The following TEX36 variants were observed in gnomAD, a reference collection of about 807,000 sequenced individuals.
TEX36 encodes the protein testis-expressed protein 36.
In TEX36, 12 loss-of-function variants were observed where a neutral mutation model predicts 13.6. The observed-to-expected ratio is 0.88, with a 90% CI of 0.56 to 1.43. The LOEUF is 1.43. Ranked by LOEUF, TEX36 falls within the 40% of genes most tolerant of loss-of-function variation. The pLI is 0.00. For synonymous variants in TEX36, 93 were observed against 83.0 expected (o/e 1.12, Z -0.65); for missense variants, 224 against 228.3 (o/e 0.98, Z 0.12).
chr10:125,621,045 T>G (rs936022611), downstream of TEX36, among the ~76,000 whole-genome samples: 10 of 152,338 alleles, frequency 6.6e-5, no homozygotes, highest in Middle Eastern at 3.4e-3. Context: ...GGACACTTAT[T>G]TCTATGTTTT....
At chr10:125,615,434 CTTA>C (rs1217815301) in intron 3 of TEX36, among the ~76,000 whole-genome samples, 1 of 151,840 alleles carries the variant, frequency 6.6e-6, no homozygotes, top group African/African-American at 2.4e-5. Context: ...ATAGATAGCT[CTTA>C]TTATTTTGAG....
chr10:125,582,842 A>G (rs540912048), intron 3 of TEX36, among the ~76,000 whole-genome samples: 4 of 152,220 alleles, frequency 2.6e-5, no homozygotes, highest in Admixed American at 6.5e-5. Context: ...ATATATAGCC[A>G]AATGGACTAA....
At chr10:125,665,890 T>C (rs1451995202) in intron 1 of TEX36, among the ~76,000 whole-genome samples, 1 of 152,174 alleles carries the variant, frequency 6.6e-6, no homozygotes, top group Admixed American at 6.5e-5. Flanking sequence ...CAATGTTTTA[T>C]AGTTTTTCTT....
chr10:125,634,710 A>G (rs1292836452), intron 3 of TEX36, among the ~76,000 whole-genome samples: 10 of 152,238 alleles, frequency 6.6e-5, no homozygotes, highest in Non-Finnish European at 1.5e-4. Flanking sequence ...GTTAAAAATC[A>G]GAAGGTTAAA....
intron 1 of TEX36, among the ~76,000 whole-genome samples, chr10:125,664,874 A>G (rs1847099529): frequency 6.6e-6 from 1 of 152,142 alleles, no homozygotes; most frequent in Non-Finnish European, 1.5e-5. Context: ...CCTCACCAGC[A>G]TTTGTGATTG....
chr10:125,614,354 C>T (rs1046861037), intron 3 of TEX36, among the ~76,000 whole-genome samples: 4 of 152,114 alleles, frequency 2.6e-5, no homozygotes, highest in Non-Finnish European at 4.4e-5. Flanking sequence ...GAAGTCCTTG[C>T]CCATGCCTAT....
At chr10:125,584,987 T>C (rs1296766837) in intron 3 of TEX36, among the ~76,000 whole-genome samples, 1 of 152,230 alleles carries the variant, frequency 6.6e-6, no homozygotes, top group Non-Finnish European at 1.5e-5. Context: ...CTCAGATGAA[T>C]GTCTCAACAT....
intron 3 of TEX36, among the ~76,000 whole-genome samples, chr10:125,609,168 AC>A (rs60297787): frequency 0.12 from 9,734 of 81,608 alleles, 526 homozygotes; most frequent in African/African-American, 0.22. Context: ...AAAAAACAAA[AC>A]AAAAAAAAAA....
At chr10:125,588,525 G>A (rs948962816) in intron 3 of TEX36, among the ~76,000 whole-genome samples, 2 of 152,202 alleles carry the variant, frequency 1.3e-5, no homozygotes, top group African/African-American at 2.4e-5. Context: ...AAGGTGAAAG[G>A]GGAAGCAATG....
Position 125,578,097 on chromosome 10 carries a change from G to T in TEX36, c.265-1223C>A, listed in dbSNP as rs548596183. ...CAGCCTTGAATGCTAGTGGAGGGTGGTGCTCTCCTGCCACAGCCCACTGCA... is the reference window on the plus strand; with the variant it reads ...CAGCCTTGAATGCTAGTGGAGGGTGTTGCTCTCCTGCCACAGCCCACTGCA... On this transcript the variant is annotated intron_variant, in intron 3 of 3. Coordinates refer to the TEX36 transcript ENST00000532135. 2.1e-4 allele frequency: 32 copies of T among 152,260 alleles called. No individual in the cohort carries two copies. In the South Asian group the frequency reaches 6.6e-3, roughly 32 times the overall value. 9.4% of individuals were successfully genotyped at this position (152,260 alleles called of 1,614,324 possible). A position where few individuals can be genotyped will look rare whatever the true frequency, so the allele number is the denominator to read the frequency against.
chr10:125,653,143 A>G (rs539588443), downstream of TEX36, among the ~76,000 whole-genome samples: 4 of 152,290 alleles, frequency 2.6e-5, no homozygotes, highest in South Asian at 6.2e-4. Flanking sequence ...CTGGGCATAT[A>G]CCCAAAGGAT....
At chr10:125,584,120 G>A (rs748616258) in intron 3 of TEX36, among the ~76,000 whole-genome samples, 1 of 152,214 alleles carries the variant, frequency 6.6e-6, no homozygotes, top group East Asian at 1.9e-4. Flanking sequence ...AGACCACCTC[G>A]AGAGAGAGGC....
intron 1 of TEX36, among the ~76,000 whole-genome samples, chr10:125,680,499 T>C (rs1847376871): frequency 6.6e-6 from 1 of 152,222 alleles, no homozygotes; most frequent in East Asian, 1.9e-4. Flanking sequence ...GTGAAATTTT[T>C]GCTTCGTTCA....
At chr10:125,608,305 T>C (rs1846240808) in intron 3 of TEX36, among the ~76,000 whole-genome samples, 1 of 152,170 alleles carries the variant, frequency 6.6e-6, no homozygotes, top group Non-Finnish European at 1.5e-5. Context: ...TTCATGACTA[T>C]ACATTTGTCG....
chr10:125,647,093 G>C (rs1348711834), intron 3 of TEX36, among the ~76,000 whole-genome samples: 1 of 152,204 alleles, frequency 6.6e-6, no homozygotes, highest in Non-Finnish European at 1.5e-5. Flanking sequence ...AAGAATGCTA[G>C]AATGGCTGAA....
At chr10:125,669,240 G>A (rs573173616) in intron 1 of TEX36, among the ~76,000 whole-genome samples, 1 of 151,800 alleles carries the variant, frequency 6.6e-6, no homozygotes, top group South Asian at 2.1e-4. Context: ...GCAGTGAGCA[G>A]AGATCGCACC....
intron 3 of TEX36, among the ~76,000 whole-genome samples, chr10:125,601,881 C>T (rs1846152266): frequency 6.6e-6 from 1 of 152,198 alleles, no homozygotes; most frequent in African/African-American, 2.4e-5. Context: ...ACATTGTGCA[C>T]TGGGGTCCTC....
chr10:125,612,096 T>C (rs1016228459), intron 3 of TEX36, among the ~76,000 whole-genome samples: 4 of 150,090 alleles, frequency 2.7e-5, no homozygotes, highest in Non-Finnish European at 5.9e-5. Flanking sequence ...TTTCTTTTTT[T>C]TTTTTTTCAG....
intron 3 of TEX36, among the ~76,000 whole-genome samples, chr10:125,648,169 T>C (rs1846801279): frequency 6.6e-6 from 1 of 152,196 alleles, no homozygotes; most frequent in Non-Finnish European, 1.5e-5. Context: ...TCTCCCAGCA[T>C]GGGGTTTGAG....
Sources: allele counts gnomAD v4.1 joint callset (sites outside exome capture counted in the v4.1 genomes callset), GRCh38; gene constraint gnomAD v4.1.1; transcripts MANE v1.5; gene names NCBI Gene and HGNC (gene_info 2026-07-23, HGNC 2026-07-21).